Variants in BBS4 observed in about 807,000 individuals in gnomAD.
BBS4 encodes Bardet-Biedl syndrome 4.
A neutral mutation model predicts 71.4 loss-of-function variants in BBS4; 58 were observed. That is an observed-to-expected ratio of 0.81 (90% CI 0.66 to 1.01). The LOEUF (loss-of-function observed/expected upper bound fraction) is 1.01, where lower values mean the gene tolerates loss of function less well. Among genes scored for constraint, BBS4 ranks in the 50% least tolerant of loss-of-function variants. The pLI, the probability that BBS4 is intolerant of heterozygous loss-of-function variation, is 0.00. For missense variants in BBS4, 660 were observed against 607.9 expected (o/e 1.09, Z -0.90); for synonymous variants, 228 against 216.8 (o/e 1.05, Z -0.46).
Position 72,711,875 on chromosome 15 carries a change from C to CT in BBS4, c.157-359dup, listed in dbSNP as rs58585635. Among the ~76,000 whole-genome samples the CT allele has an allele frequency of 6.6e-4, 98 of 148,896 alleles. 1 individual carries two copies. Among genetic ancestry groups the CT allele is most frequent in the African/African-American group, 1.5e-3 (59 of 40,568 alleles). Reference sequence around the variant, plus strand: ...CTGCTTTTTCATTACTATTTGTTTTCTTTTTTTTTTCAGACAGAGTCTCAC... The same window carrying CT: ...CTGCTTTTTCATTACTATTTGTTTTCTTTTTTTTTTTCAGACAGAGTCTCAC... On this transcript the variant is annotated intron_variant, in intron 3 of 15. Coordinates refer to ENST00000268057, the MANE Select transcript of BBS4 (RefSeq NM_033028.5).
chr15:72,717,002 A>G, intron 6 of BBS4, 152 bp downstream of exon 6: 1 of 670,804 alleles, frequency 1.5e-6, no homozygotes. Flanking sequence ...TATAGGATCA[A>G]AAACCATGTT....
intron 4 of BBS4, among the ~76,000 whole-genome samples, chr15:72,712,643 TA>T (rs1465602339): frequency 6.6e-6 from 1 of 152,194 alleles, no homozygotes; most frequent in Non-Finnish European, 1.5e-5. Flanking sequence ...AAAGGTACTG[TA>T]AAAATATGGT....
chr15:72,736,170 AGTT>A (rs1567434137), intron 14 of BBS4, among the ~76,000 whole-genome samples: 2 of 151,070 alleles, frequency 1.3e-5, no homozygotes. Flanking sequence ...AGGCTTACTG[AGTT>A]GTTATTGCTA....
At chr15:72,691,851 T>C (rs1427450672) in intron 1 of BBS4, among the ~76,000 whole-genome samples, 1 of 151,714 alleles carries the variant, frequency 6.6e-6, no homozygotes, top group African/African-American at 2.4e-5. Context: ...TAGTCCCTGC[T>C]ACTCGGGAGG....
Position 72,691,351 on chromosome 15 carries a change from T to G in BBS4, c.25-3826T>G, listed in dbSNP as rs533606243. Among the ~76,000 whole-genome samples the G allele has an allele frequency of 8.0e-4, 122 of 152,236 alleles. 1 individual carries two copies. The highest frequency in any genetic ancestry group is 2.8e-3 in the African/African-American group (117 of 41,542). ...CTTTAAAGGATAATATAATGGAAAC[T>G]TGTGTTCCTACTGCCCAGGTTAGGA... is the stretch of plus-strand genomic sequence containing the variant. On this transcript the variant is annotated intron_variant, in intron 1 of 15. Coordinates refer to ENST00000268057, the MANE Select transcript of BBS4 (RefSeq NM_033028.5).
rs755440059 is a variant in BBS4 at position 72,736,979 on chromosome 15, GCTCCAT to G, written c.1450+17_1450+22del. Reference sequence around the variant, plus strand: ...CTCCCCTCAGGTAGGACCATACAGAGCTCCATGAAGACCTGGCAGGTACAAGCCACA... The same window carrying G: ...CTCCCCTCAGGTAGGACCATACAGAGGAAGACCTGGCAGGTACAAGCCACA... On this transcript the variant is annotated intron_variant, in intron 15 of 15. Transcript: ENST00000268057. The G allele has an allele frequency of 4.3e-5, 70 of 1,613,212 alleles. No individual in the cohort carries two copies. Among genetic ancestry groups the G allele is most frequent in the Non-Finnish European group, 5.8e-5 (69 of 1,179,604 alleles).
At chr15:72,712,841 T>G (rs1477713217) in intron 4 of BBS4, among the ~76,000 whole-genome samples, 2 of 152,180 alleles carry the variant, frequency 1.3e-5, no homozygotes. Flanking sequence ...CTAAATTTAT[T>G]TAAAAATATT....
In BBS4 at chr15:72,736,124, G is replaced by A. The variant is rs2065918893; in HGVS notation, c.1248+158G>A. ...AGTTCATCAATTAATAACAGCCTGA[G>A]AAAAACTTTCCTAGAATAATAATAA... On this transcript the variant is annotated intron_variant, in intron 14 of 15. Transcript: ENST00000268057. Among the ~76,000 whole-genome samples the A allele has an allele frequency of 5.9e-5, 9 of 151,874 alleles. No homozygotes were observed. The South Asian group carries it at 1.5e-3, about 25-fold the overall frequency.
chr15:72,720,025 A>G (rs1184704533), intron 6 of BBS4, among the ~76,000 whole-genome samples: 1 of 151,572 alleles, frequency 6.6e-6, no homozygotes, highest in Non-Finnish European at 1.5e-5. Flanking sequence ...CTGAGACTAC[A>G]GGTGTGAGCC....
chr15:72,715,204 T>G, intron 4 of BBS4, 87 bp from the exon 5 acceptor site: 1 of 908,436 alleles, frequency 1.1e-6, no homozygotes. Flanking sequence ...GTTTCCCAGT[T>G]TTCTCTTCTC....
chr15:72,724,793 G>A (rs1595937607), intron 8 of BBS4, 138 bp downstream of exon 8: 1 of 1,088,962 alleles, frequency 9.2e-7, no homozygotes, highest in South Asian at 1.4e-5. Context: ...AAGTTTAAGA[G>A]CTCCCAGTAG....
chr15:72,709,883 C>T, intron 3 of BBS4, 104 bp downstream of exon 3: 1 of 955,700 alleles, frequency 1.0e-6, no homozygotes, highest in East Asian at 2.4e-5. Flanking sequence ...AGTGATAAAA[C>T]ATGAATTCCT....
chr15:72,730,059 G>A (rs1387207778), intron 10 of BBS4, among the ~76,000 whole-genome samples: 2 of 150,678 alleles, frequency 1.3e-5, no homozygotes, highest in East Asian at 4.0e-4. Flanking sequence ...GGCAGATCAC[G>A]AGGTCAGGAG....
At chr15:72,702,004 A>AT (rs773147738) in intron 2 of BBS4, among the ~76,000 whole-genome samples, 15,880 of 141,952 alleles carry the variant, frequency 0.11, 979 homozygotes, top group African/African-American at 0.15. Context: ...GGCCCAGCTA[A>AT]TTTTTTTTTT....
At position 72,703,945 on chromosome 15, in the gene BBS4, A is replaced by T. The variant is rs1431249269; in HGVS notation, c.77-5755A>T. On this transcript the variant is annotated intron_variant, in intron 2 of 15. Transcript: ENST00000268057. ...ATTTGAAATTCTTCTAAGAGAATTTAGCACCTAGGGCAAACTACAGGGGAG... is the reference window on the plus strand; with the variant it reads ...ATTTGAAATTCTTCTAAGAGAATTTTGCACCTAGGGCAAACTACAGGGGAG... 2.0e-5 allele frequency among the ~76,000 whole-genome samples: 3 copies of T among 152,232 alleles called. No individual in the cohort carries two copies. The East Asian group carries it at 5.8e-4, about 29-fold the overall frequency.
intron 4 of BBS4, 29 bp from the exon 5 acceptor site, chr15:72,715,261 CT>C (rs761232419): frequency 4.2e-5 from 65 of 1,549,326 alleles, no homozygotes; most frequent in Non-Finnish European, 4.8e-5. Flanking sequence ...CATGGTTTTA[CT>C]TTTTTTTGTA....
At chr15:72,700,304 C>T (rs972576078) in intron 2 of BBS4, among the ~76,000 whole-genome samples, 59 of 152,218 alleles carry the variant, frequency 3.9e-4, no homozygotes, top group African/African-American at 1.4e-3. Flanking sequence ...GAATAAGTGC[C>T]TAGGGAGTGG....
intron 1 of BBS4, among the ~76,000 whole-genome samples, chr15:72,689,846 TGTC>T (rs2064951575): frequency 6.6e-6 from 1 of 151,728 alleles, no homozygotes; most frequent in African/African-American, 2.4e-5. Context: ...AGTCTTGCTC[TGTC>T]GCCCAGGCTG....
chr15:72,708,896 T>C (rs185699009), intron 2 of BBS4, among the ~76,000 whole-genome samples: 1 of 152,306 alleles, frequency 6.6e-6, no homozygotes, highest in Non-Finnish European at 1.5e-5. Context: ...AGATCAGTTT[T>C]CTGCTCTCAA....
Sources: allele counts gnomAD v4.1 joint callset (sites outside exome capture counted in the v4.1 genomes callset), GRCh38; gene constraint gnomAD v4.1.1; transcripts MANE v1.5; gene names NCBI Gene and HGNC (gene_info 2026-07-23, HGNC 2026-07-21).